MAP4K5: variants seen among roughly 807,000 people sequenced by gnomAD.
The protein encoded by MAP4K5 is mitogen-activated protein kinase kinase kinase kinase 5.
A neutral mutation model predicts 135.6 loss-of-function variants in MAP4K5; 82 were observed. The ratio of observed to expected loss-of-function variants is 0.60; its 90% CI spans 0.51 to 0.73. MAP4K5 has a LOEUF of 0.73. Among genes scored for constraint, MAP4K5 ranks in the 30% least tolerant of loss-of-function variants. MAP4K5 has a pLI of 0.00. For synonymous variants in MAP4K5, 347 were observed against 335.0 expected (o/e 1.04, Z -0.39); for missense variants, 907 against 1,010.9 (o/e 0.90, Z 1.39).
At chr14:50,532,180 GC>G in intron 1 of MAP4K5, 22 bp from the exon 2 acceptor site, 1 of 627,944 alleles carries the variant, frequency 1.6e-6, no homozygotes, top group African/African-American at 1.9e-5. Flanking sequence ...ACGAGCAAAG[GC>G]TGGTTGGCGT....
chr14:50,485,540 C>G (rs1376542080), intron 5 of MAP4K5, 38 bp downstream of exon 5: 5 of 1,320,808 alleles, frequency 3.8e-6, no homozygotes, highest in Non-Finnish European at 5.3e-6. Flanking sequence ...TCATTAAAAC[C>G]AAAGTCTGTT....
intron 29 of MAP4K5, 39 bp from the exon 30 acceptor site, chr14:50,428,793 T>C (rs1239223095): frequency 1.1e-6 from 1 of 932,794 alleles, no homozygotes; most frequent in African/African-American, 1.7e-5. Flanking sequence ...GACATGCAAA[T>C]CTGCTAAAAT....
At chr14:50,530,867 A>G (rs974318) in intron 2 of MAP4K5, among the ~76,000 whole-genome samples, 151,311 of 152,242 alleles carry the variant, frequency 0.99, 75,204 homozygotes, top group Middle Eastern at 1. Flanking sequence ...AATATTAATT[A>G]GGAGGAAATT....
At chr14:50,492,192 C>G (rs2037499271) in intron 3 of MAP4K5, among the ~76,000 whole-genome samples, 1 of 152,006 alleles carries the variant, frequency 6.6e-6, no homozygotes. Flanking sequence ...ACTAATCTCA[C>G]AGAATTATTA....
At chr14:50,516,782 G>C (rs1002632344) in intron 2 of MAP4K5, among the ~76,000 whole-genome samples, 1 of 152,054 alleles carries the variant, frequency 6.6e-6, no homozygotes, top group Non-Finnish European at 1.5e-5. Context: ...TCTCTTCAGT[G>C]GTCCCAGTTT....
At chr14:50,542,306 A>T (rs955123877) in intron 2 of MAP4K5, among the ~76,000 whole-genome samples, 1 of 146,604 alleles carries the variant, frequency 6.8e-6, no homozygotes, top group African/African-American at 2.5e-5. Context: ...GGTTGGGGGC[A>T]AGGGGAGAGA....
chr14:50,420,559 G>A (rs955876357), intron 32 of MAP4K5, among the ~76,000 whole-genome samples: 42 of 152,196 alleles, frequency 2.8e-4, no homozygotes, highest in Non-Finnish European at 1.5e-5. Context: ...TTGAGCCCGG[G>A]AGTTTGAGGA....
chr14:50,442,719 T>G lies in MAP4K5; in HGVS notation c.1564+13A>C, dbSNP rs1187683294. On this transcript the variant is annotated intron_variant, in intron 21 of 32. Coordinates refer to ENST00000682126, the MANE Select transcript of MAP4K5 (RefSeq NM_006575.6). ...ATTTTATTGGAGATGTATATAAAAT[T>G]CAAACATTTTACCTTTTGTATCAGG... 16 of 1,498,464 alleles carry G rather than the reference T, an allele frequency of 1.1e-5. No individual in the cohort carries two copies. The highest frequency in any genetic ancestry group is 1.4e-5 in the African/African-American group (1 of 71,410). 92.8% of individuals were successfully genotyped at this position (1,498,464 alleles called of 1,614,324 possible).
intron 25 of MAP4K5, 144 bp downstream of exon 25, chr14:50,437,750 T>C: frequency 1.5e-6 from 1 of 669,564 alleles, no homozygotes; most frequent in Non-Finnish European, 2.5e-6. Flanking sequence ...CAGAAAACGT[T>C]CAGCTTTTCC....
chr14:50,471,376 A>G (rs28520450), intron 9 of MAP4K5, among the ~76,000 whole-genome samples: 1 of 152,208 alleles, frequency 6.6e-6, no homozygotes, highest in African/African-American at 2.4e-5. Context: ...AGAAATCTGT[A>G]GGGGTTGCAT....
intron 10 of MAP4K5, 66 bp from the exon 11 acceptor site, chr14:50,466,711 T>C (rs1227810878): frequency 1.4e-6 from 1 of 739,992 alleles, no homozygotes; most frequent in Admixed American, 2.1e-5. Flanking sequence ...AGAAAGAATA[T>C]TCTGTAATGA....
intron 26 of MAP4K5, among the ~76,000 whole-genome samples, chr14:50,436,734 A>G (rs2036101811): frequency 6.6e-6 from 1 of 152,106 alleles, no homozygotes; most frequent in African/African-American, 2.4e-5. Flanking sequence ...AGTGGTTGGC[A>G]ATGGTTGTGT....
At chr14:50,421,507 C>G (rs2035731646) in intron 32 of MAP4K5, among the ~76,000 whole-genome samples, 1 of 151,980 alleles carries the variant, frequency 6.6e-6, no homozygotes, top group Non-Finnish European at 1.5e-5. Flanking sequence ...GGTGATCCAC[C>G]TGCGTCGGCC....
chr14:50,510,965 T>G (rs536064568), intron 2 of MAP4K5, among the ~76,000 whole-genome samples: 1 of 152,170 alleles, frequency 6.6e-6, no homozygotes, highest in South Asian at 2.1e-4. Flanking sequence ...TGTACCCAAC[T>G]GAGCTAAAAA....
intron 16 of MAP4K5, 125 bp from the exon 17 acceptor site, chr14:50,446,246 G>A: frequency 1.7e-6 from 1 of 577,016 alleles, no homozygotes; most frequent in Non-Finnish European, 3.0e-6. Flanking sequence ...TCACGATGCA[G>A]AGTATAAAAT....
chr14:50,449,817 C>CT (rs1239749736), intron 14 of MAP4K5: 1 of 152,170 alleles, frequency 6.6e-6, no homozygotes, highest in Non-Finnish European at 1.5e-5. Context: ...TAAAGAACCT[C>CT]TTTAGTCTTT....
At chr14:50,476,671 A>T (rs2037107117) in intron 6 of MAP4K5, among the ~76,000 whole-genome samples, 1 of 152,222 alleles carries the variant, frequency 6.6e-6, no homozygotes, top group Non-Finnish European at 1.5e-5. Flanking sequence ...CATGTTGGCC[A>T]GACTGGTCTT....
chr14:50,480,528 G>C (rs975842848), intron 6 of MAP4K5, among the ~76,000 whole-genome samples: 6 of 151,250 alleles, frequency 4.0e-5, no homozygotes, highest in African/African-American at 1.5e-4. Context: ...TTGATTTTTA[G>C]ATCCCACAAA....
intron 5 of MAP4K5, among the ~76,000 whole-genome samples, chr14:50,485,334 A>G (rs939816610): frequency 5.9e-5 from 9 of 152,104 alleles, no homozygotes; most frequent in Non-Finnish European, 1.3e-4. Flanking sequence ...ACACTTTCCT[A>G]GAGATATCTA....
Sources: gnomAD v4.1 joint callset for allele counts (sites outside exome capture counted in the v4.1 genomes callset) on GRCh38, gnomAD v4.1.1 for gene constraint, MANE v1.5 for transcripts, NCBI Gene and HGNC (gene_info 2026-07-23, HGNC 2026-07-21) for gene names.